ZC3H12B: variants seen among roughly 807,000 people sequenced by gnomAD.
ZC3H12B encodes the protein probable ribonuclease ZC3H12B.
A neutral mutation model predicts 43.9 loss-of-function variants in ZC3H12B; 7 were observed. That is an observed-to-expected ratio of 0.16 (90% CI 0.09 to 0.30). The LOEUF is 0.30. Among genes scored for constraint, ZC3H12B ranks in the 10% least tolerant of loss-of-function variants. The probability of loss-of-function intolerance (pLI) is 1.00; values close to 1 mark genes in which losing one functional copy is unlikely to be tolerated. For synonymous variants in ZC3H12B, 222 were observed against 241.7 expected, an observed-to-expected ratio of 0.92 and a Z score of 0.76; for missense variants, 475 against 670.2, an observed-to-expected ratio of 0.71 and a Z score of 3.22.
the ZC3H12B span, among the ~76,000 whole-genome samples, chrX:65,308,260 A>G: frequency 9.0e-6 from 1 of 110,509 alleles, no homozygotes; most frequent in Non-Finnish European, 1.9e-5. Flanking sequence ...ATATGTGCAG[A>G]GACACACATA....
the ZC3H12B span, among the ~76,000 whole-genome samples, chrX:65,303,963 A>G: frequency 8.9e-6 from 1 of 112,569 alleles, no homozygotes; most frequent in African/African-American, 3.2e-5. Flanking sequence ...TGTCAGTTTT[A>G]CCCAAGTAGA....
exon 1 of ZC3H12B, chrX:65,488,764 A>G: frequency 9.0e-7 from 1 of 1,114,131 alleles, no homozygotes; most frequent in Non-Finnish European, 1.2e-6. Context: ...CTAAAAAGAA[A>G]AAGAACTGAT....
the ZC3H12B span, among the ~76,000 whole-genome samples, chrX:65,224,818 G>A: frequency 1.5e-4 from 17 of 112,067 alleles, no homozygotes; most frequent in Admixed American, 8.5e-4. Flanking sequence ...AGCGAGGCTG[G>A]GGGAAGGGTG....
At chrX:65,046,018 A>G in the ZC3H12B span, among the ~76,000 whole-genome samples, 1 of 111,944 alleles carries the variant, frequency 8.9e-6, no homozygotes, top group South Asian at 3.7e-4. Flanking sequence ...TAAAATATTC[A>G]GTAAACCATG....
intron 3 of ZC3H12B, among the ~76,000 whole-genome samples, chrX:65,399,819 C>T (rs1287383526): frequency 8.9e-6 from 1 of 112,160 alleles, no homozygotes; most frequent in East Asian, 2.8e-4. Context: ...CAATGTAATA[C>T]ATGTAAACAA....
chrX:65,274,140 A>G, the ZC3H12B span, among the ~76,000 whole-genome samples: 1 of 111,945 alleles, frequency 8.9e-6, no homozygotes, highest in Non-Finnish European at 1.9e-5. Context: ...GTGGGGAAAA[A>G]GTAAGCAGAA....
chrX:65,260,256 C>T, the ZC3H12B span, among the ~76,000 whole-genome samples: 1 of 110,172 alleles, frequency 9.1e-6, no homozygotes, highest in Admixed American at 9.7e-5. Context: ...TTCATTTACA[C>T]CAAGAATGTG....
At chrX:65,062,977 T>G in the ZC3H12B span, among the ~76,000 whole-genome samples, 9,157 of 110,966 alleles carry the variant, frequency 0.083, 1,027 homozygotes, top group African/African-American at 0.29. Flanking sequence ...TTATTGGTGT[T>G]TAGAAATGCT....
chrX:65,167,790 T>C, the ZC3H12B span, among the ~76,000 whole-genome samples: 1 of 111,851 alleles, frequency 8.9e-6, no homozygotes, highest in Admixed American at 9.6e-5. Flanking sequence ...TATTTTATTC[T>C]CTTTGAAGCA....
At chrX:65,433,614 C>T (rs958568595) in intron 3 of ZC3H12B, among the ~76,000 whole-genome samples, 2 of 111,527 alleles carry the variant, frequency 1.8e-5, no homozygotes, top group Non-Finnish European at 3.8e-5. Context: ...TCTTATAAAC[C>T]ACAATTTTAG....
At chrX:65,454,416 G>A (rs1483215033) in intron 3 of ZC3H12B, among the ~76,000 whole-genome samples, 2 of 112,362 alleles carry the variant, frequency 1.8e-5, no homozygotes, top group African/African-American at 6.5e-5. Flanking sequence ...CTGCAAGGCG[G>A]CAGTGAGGCA....
the ZC3H12B span, among the ~76,000 whole-genome samples, chrX:65,276,805 A>C: frequency 8.9e-6 from 1 of 111,808 alleles, no homozygotes; most frequent in Non-Finnish European, 1.9e-5. Flanking sequence ...CAACTTCAAA[A>C]ATAAATAATA....
the ZC3H12B span, among the ~76,000 whole-genome samples, chrX:65,286,265 A>G: frequency 2.7e-5 from 3 of 112,098 alleles, no homozygotes; most frequent in African/African-American, 9.7e-5. Flanking sequence ...CCTTTGCAGC[A>G]ACATGGATGC....
chrX:65,413,192 G>A (rs1168679191), intron 3 of ZC3H12B, among the ~76,000 whole-genome samples: 2 of 111,147 alleles, frequency 1.8e-5, no homozygotes, highest in Non-Finnish European at 3.8e-5. Context: ...AATATATTCT[G>A]GATACTAGTC....
the ZC3H12B span, among the ~76,000 whole-genome samples, chrX:65,135,237 A>G: frequency 1.8e-5 from 2 of 111,354 alleles, no homozygotes; most frequent in Non-Finnish European, 3.8e-5. Flanking sequence ...CCTCTATGTA[A>G]ATTTAGAAGC....
chrX:65,061,351 G>C, the ZC3H12B span, among the ~76,000 whole-genome samples: 1 of 111,146 alleles, frequency 9.0e-6, no homozygotes, highest in Non-Finnish European at 1.9e-5. Context: ...AGTGTGTGAT[G>C]TTCCGCTCCC....
the ZC3H12B span, among the ~76,000 whole-genome samples, chrX:65,096,153 G>A: frequency 2.9e-5 from 3 of 102,812 alleles, no homozygotes; most frequent in Admixed American, 3.3e-4. Context: ...ATGTATCTTT[G>A]TAATCGAATT....
At chrX:65,294,567 G>A in the ZC3H12B span, among the ~76,000 whole-genome samples, 1 of 111,553 alleles carries the variant, frequency 9.0e-6, no homozygotes, top group Admixed American at 9.6e-5. Flanking sequence ...ATGGAGGAAT[G>A]GAGAAGAATT....
the ZC3H12B span, among the ~76,000 whole-genome samples, chrX:65,309,310 G>T: frequency 9.0e-6 from 1 of 111,151 alleles, no homozygotes; most frequent in African/African-American, 3.3e-5. Flanking sequence ...CTGATAAAGG[G>T]GATATCACCA....
Sources: gnomAD v4.1 joint callset for allele counts (sites outside exome capture counted in the v4.1 genomes callset) on GRCh38, gnomAD v4.1.1 for gene constraint, MANE v1.5 for transcripts, NCBI Gene and HGNC (gene_info 2026-07-23, HGNC 2026-07-21) for gene names.